Variants in MICALL1 observed in about 807,000 individuals in gnomAD.
MICALL1 encodes the protein MICAL like 1.
In MICALL1, 61 loss-of-function variants were observed where a neutral mutation model predicts 83.7. The observed-to-expected ratio is 0.73, with a 90% CI of 0.59 to 0.90. The LOEUF is 0.90. Among genes scored for constraint, MICALL1 ranks in the 40% least tolerant of loss-of-function variants. MICALL1 has a pLI of 0.00. For missense variants in MICALL1, 1,066 were observed against 1,152.0 expected (o/e 0.93, Z 1.08); for synonymous variants, 481 against 473.6 (o/e 1.02, Z -0.20).
chr22:37,926,327 T>C (rs979796814), intron 8 of MICALL1, among the ~76,000 whole-genome samples: 6 of 152,162 alleles, frequency 3.9e-5, no homozygotes, highest in African/African-American at 1.2e-4. Context: ...CGAGTCCATC[T>C]CTTCACCCTC....
At chr22:37,918,176 T>A (rs373404371) in intron 4 of MICALL1, among the ~76,000 whole-genome samples, 1 of 152,224 alleles carries the variant, frequency 6.6e-6, no homozygotes, top group East Asian at 1.9e-4. Flanking sequence ...GAGACAGCTG[T>A]AAACTTCCCG....
chr22:37,922,191 A>G lies in MICALL1; in HGVS notation c.789A>G (p.Ala263=). Residue 263 remains alanine (A), a synonymous_variant, in exon 6 of 16, where the codon GCA becomes GCG. Transcript: ENST00000215957. ...PGGGPSSSAP[A]GAEADGPKAS... Reference sequence around the variant, plus strand: ...GCGGCCCCAGCTCCAGTGCTCCTGCAGGGGCTGAGGCCGATGGACCCAAGG... The same window carrying G: ...GCGGCCCCAGCTCCAGTGCTCCTGCGGGGGCTGAGGCCGATGGACCCAAGG... The G allele has an allele frequency of 6.2e-7, 1 of 1,612,532 alleles. No individual in the cohort carries two copies. The highest frequency in any genetic ancestry group is 8.5e-7 in the Non-Finnish European group (1 of 1,179,826).
In MICALL1 at chr22:37,932,886, T is replaced by C. The variant is rs774431406; in HGVS notation, c.2232T>C (p.Tyr744=). 4 of 1,613,968 alleles carry C rather than the reference T, an allele frequency of 2.5e-6. No homozygotes were observed. The highest frequency in any genetic ancestry group is 2.2e-5 in the South Asian group (2 of 91,092). ...TGCGGCGAGAGTCCGAGCTCATCTA[T>C]GTGTGAGTCCCCCCGCCTGGGGCAT... ...LLVRRESELI[Y]VFKQQNLEQR... Residue 744 remains tyrosine, a splice_region_variant and synonymous_variant, in exon 12 of 16, where the codon TAT becomes TAC. Coordinates refer to ENST00000215957, the MANE Select transcript of MICALL1 (RefSeq NM_033386.4). This position sits in a 1 kb window ranked among gnomAD's most constrained non-coding sequence, Gnocchi z 4.4.
intron 14 of MICALL1, among the ~76,000 whole-genome samples, chr22:37,937,544 C>T (rs1288151317): frequency 6.6e-6 from 1 of 151,672 alleles, no homozygotes; most frequent in African/African-American, 2.4e-5. Context: ...CTACCTCTGC[C>T]TCCCGAGTAG....
At chr22:37,937,046 C>T (rs1268387760) in intron 13 of MICALL1, 34 bp from the exon 14 acceptor site, 1 of 1,528,938 alleles carries the variant, frequency 6.5e-7, no homozygotes, top group Non-Finnish European at 8.9e-7. Flanking sequence ...GGCTTTCCTA[C>T]CACTCATGCC....
Position 37,927,616 on chromosome 22 carries a change from C to A in MICALL1, c.1671C>A (p.Asn557Lys), listed in dbSNP as rs1269092996. 6.2e-7 allele frequency: 1 copy of A among 1,613,986 alleles called. No individual in the cohort carries two copies. The highest frequency in any genetic ancestry group is 8.5e-7 in the Non-Finnish European group (1 of 1,179,848). Residue 557 changes from asparagine (N) to lysine (K), a missense_variant, in exon 9 of 16, where the codon AAC (asparagine) becomes AAA (lysine). Coordinates refer to ENST00000215957, the MANE Select transcript of MICALL1 (RefSeq NM_033386.4). ...TPGNPVSLST[N>K]SSLASSGELV... ...GAAACCCTGTCAGCCTCTCTACCAA[C>A]TCCTCCCTGGCCTCCTCTGGGGAAC...
chr22:37,909,050 TTTTTTG>T (rs201292317), intron 1 of MICALL1, among the ~76,000 whole-genome samples: 7,506 of 151,952 alleles, frequency 0.049, 582 homozygotes, highest in African/African-American at 0.17. Context: ...ATGCAGGGTT[TTTTTTG>T]TTTTTGTTTT....
chr22:37,934,666 G>A (rs955851555), intron 13 of MICALL1, among the ~76,000 whole-genome samples: 8 of 150,570 alleles, frequency 5.3e-5, no homozygotes, highest in South Asian at 2.1e-4. Context: ...GCGCGATCTC[G>A]GCTCACTGCA....
At chr22:37,916,376 A>T (rs1458111434) in intron 3 of MICALL1, among the ~76,000 whole-genome samples, 1 of 152,222 alleles carries the variant, frequency 6.6e-6, no homozygotes, top group Non-Finnish European at 1.5e-5. Flanking sequence ...TGTGCCTTTC[A>T]TACAACTTGG....
At chr22:37,933,244 C>T (rs1601832584) in intron 13 of MICALL1, 132 bp downstream of exon 13, 6 of 878,674 alleles carry the variant, frequency 6.8e-6, no homozygotes, top group East Asian at 2.6e-5. Context: ...GGAGGAGGTG[C>T]GGGGCAGGGC....
rs540481797 is a variant in MICALL1 at position 37,919,143 on chromosome 22, G to A, written c.534G>A (p.Leu178=). Residue 178 remains leucine (L), a synonymous_variant, in exon 5 of 16, where the codon CTG becomes CTA. Transcript: ENST00000215957. ...QQHVHLVQRY[L]ADGRLYHRHC... The stretch of plus-strand genomic sequence containing the variant: ...ATGTGCACTTGGTGCAGCGCTACCT[G>A]GCTGACGGCAGGCTGTACCATCGCC... 24 of 1,549,038 alleles carry A rather than the reference G, an allele frequency of 1.5e-5. No individual in the cohort carries two copies. In the Admixed American group the frequency reaches 4.5e-4, roughly 29 times the overall value.
At position 37,932,452 on chromosome 22, in the gene MICALL1, CG is replaced by C. The variant is rs1929840436; in HGVS notation, c.2017-98del. On this transcript the variant is annotated intron_variant, in intron 10 of 15. Transcript: ENST00000215957. This position sits in a 1 kb window ranked among gnomAD's most constrained non-coding sequence, Gnocchi z 4.4. ...CCATGCTGGGGTGGGGGACAGGGCC[CG>C]GGCCCTGGAGCCACCAGTGGCCAAT... 6 of 1,535,732 alleles carry C rather than the reference CG, an allele frequency of 3.9e-6. No homozygotes were observed. The highest frequency in any genetic ancestry group is 5.3e-6 in the Non-Finnish European group (6 of 1,137,712).
chr22:37,933,708 G>A (rs1214924398), intron 13 of MICALL1, among the ~76,000 whole-genome samples: 1 of 152,222 alleles, frequency 6.6e-6, no homozygotes, highest in Non-Finnish European at 1.5e-5. Context: ...TGCAGGCAGA[G>A]ACCCCAGGAC....
In MICALL1 at chr22:37,925,683, C is replaced by A; in HGVS notation, c.1105C>A (p.Pro369Thr). The A allele has an allele frequency of 6.2e-7, 1 of 1,607,640 alleles. No individual in the cohort carries two copies. Among genetic ancestry groups the A allele is most frequent in the South Asian group, 1.1e-5 (1 of 90,616 alleles). The change falls in exon 8 of 16, where the codon CCC becomes ACC. Residue 369 changes from proline (P) to threonine (T), a missense_variant. Physicochemically the swap from Pro to Thr is conservative, Grantham distance 38. Transcript: ENST00000215957. Reference protein sequence around the residue: ...SEGTPAPRKDPPWITLVQAEP... With the variant: ...SEGTPAPRKDTPWITLVQAEP... ...CAGGACACCAGCCCCCAGGAAGGACCCCCCATGGATCACGCTGGTGCAGGC... is the reference window on the plus strand; with the variant it reads ...CAGGACACCAGCCCCCAGGAAGGACACCCCATGGATCACGCTGGTGCAGGC...
At chr22:37,939,773 CAAA>C (rs147934175) in intron 15 of MICALL1, among the ~76,000 whole-genome samples, 1 of 44,464 alleles carries the variant, frequency 2.2e-5, no homozygotes, top group Non-Finnish European at 4.0e-5. Context: ...GTCTCCGTCT[CAAA>C]AAAAAAAAAA....
At chr22:37,925,222 G>A (rs1040877393) in intron 7 of MICALL1, among the ~76,000 whole-genome samples, 2 of 152,106 alleles carry the variant, frequency 1.3e-5, no homozygotes, top group African/African-American at 4.8e-5. Context: ...AGTTGTTAAC[G>A]TTTACTGAGT....
intron 1 of MICALL1, among the ~76,000 whole-genome samples, chr22:37,909,500 A>C (rs1928180522): frequency 6.6e-6 from 1 of 152,042 alleles, no homozygotes; most frequent in Admixed American, 6.5e-5. Flanking sequence ...CTGGGACTAC[A>C]GGTGCCCGCC....
intron 1 of MICALL1, chr22:37,907,560 G>T (rs7284236): frequency 0.049 from 7,474 of 152,312 alleles, 589 homozygotes; most frequent in African/African-American, 0.17. Flanking sequence ...TACCCCTTTC[G>T]CATGCAGCCC....
At chr22:37,912,312 C>A (rs1928380577) in intron 2 of MICALL1, 39 bp from the exon 3 acceptor site, 6 of 1,572,460 alleles carry the variant, frequency 3.8e-6, no homozygotes, top group Non-Finnish European at 5.2e-6. Context: ...CCTCTTCCTG[C>A]TTCGGCTGCT....
Sources: gnomAD v4.1 joint callset for allele counts (sites outside exome capture counted in the v4.1 genomes callset) on GRCh38, gnomAD v4.1.1 for gene constraint, Gnocchi (gnomAD v3.1) non-coding constraint, MANE v1.5 for transcripts, NCBI Gene and HGNC (gene_info 2026-07-23, HGNC 2026-07-21) for gene names.